CLVS1: variants seen among roughly 807,000 people sequenced by gnomAD.
The protein encoded by CLVS1 is clavesin 1.
CLVS1 carries 10 observed loss-of-function variants against 33.1 expected under a neutral mutation model. The ratio of observed to expected loss-of-function variants is 0.30; its 90% CI spans 0.19 to 0.51. CLVS1 has a LOEUF of 0.51. CLVS1 is among the 20% of genes least tolerant of loss of function. The pLI is 0.97. For synonymous variants in CLVS1, 163 were observed against 166.1 expected (o/e 0.98, Z 0.14); for missense variants, 343 against 433.4 (o/e 0.79, Z 1.85).
intron 1 of CLVS1, among the ~76,000 whole-genome samples, chr8:61,290,664 A>C (rs1040187142): frequency 1.3e-5 from 2 of 152,198 alleles, no homozygotes; most frequent in Non-Finnish European, 2.9e-5. Context: ...GATAGCAGAG[A>C]CTTCCATCCT....
intron 2 of CLVS1, among the ~76,000 whole-genome samples, chr8:61,145,518 A>G (rs1357732486): frequency 1.3e-5 from 2 of 152,246 alleles, no homozygotes; most frequent in Non-Finnish European, 2.9e-5. Flanking sequence ...AGATGAAACA[A>G]GAGGAGGAGG....
chr8:61,362,179 C>T (rs1813010198), intron 2 of CLVS1, among the ~76,000 whole-genome samples: 1 of 152,188 alleles, frequency 6.6e-6, no homozygotes, highest in Non-Finnish European at 1.5e-5. Context: ...GAGTCATTGT[C>T]AATACTCTGT....
chr8:61,421,474 C>T (rs1423191714), intron 3 of CLVS1, among the ~76,000 whole-genome samples: 1 of 152,260 alleles, frequency 6.6e-6, no homozygotes, highest in Admixed American at 6.5e-5. Context: ...TAGCCCACAT[C>T]TGGCTGATTC....
intron 1 of CLVS1, among the ~76,000 whole-genome samples, chr8:61,069,410 TTC>T (rs1804749507): frequency 1.4e-5 from 1 of 74,024 alleles, no homozygotes; most frequent in South Asian, 4.5e-4. Flanking sequence ...TCTCTCTCTC[TTC>T]CTTCCTTCCT....
intron 2 of CLVS1, among the ~76,000 whole-genome samples, chr8:61,374,030 A>G (rs758651166): frequency 6.6e-6 from 1 of 152,186 alleles, no homozygotes; most frequent in Non-Finnish European, 1.5e-5. Flanking sequence ...AAGTCTCTTG[A>G]GAGCTAGGCT....
At chr8:61,180,289 GGAA>G (rs1807203417) in intron 2 of CLVS1, among the ~76,000 whole-genome samples, 1 of 152,046 alleles carries the variant, frequency 6.6e-6, no homozygotes, top group Non-Finnish European at 1.5e-5. Flanking sequence ...GACTAAACTA[GGAA>G]GAAGTCAAAT....
chr8:61,489,377 T>A (rs1393160275), intron 5 of CLVS1, among the ~76,000 whole-genome samples: 1 of 152,216 alleles, frequency 6.6e-6, no homozygotes, highest in East Asian at 1.9e-4. Context: ...GACTGTAGAA[T>A]CAGATCTGGG....
At chr8:61,065,988 C>T (rs947134325) in intron 1 of CLVS1, among the ~76,000 whole-genome samples, 2 of 152,266 alleles carry the variant, frequency 1.3e-5, no homozygotes, top group Admixed American at 1.3e-4. Flanking sequence ...AGACCTGGAA[C>T]ATAACATACA....
chr8:61,262,444 G>T (rs114104867), intron 2 of CLVS1, among the ~76,000 whole-genome samples: 26 of 152,226 alleles, frequency 1.7e-4, no homozygotes, highest in African/African-American at 6.3e-4. Context: ...GCAGAAGTAG[G>T]AGGATTGCTT....
At chr8:61,113,917 G>A (rs2129288688) in intron 1 of CLVS1, among the ~76,000 whole-genome samples, 1 of 152,332 alleles carries the variant, frequency 6.6e-6, no homozygotes, top group East Asian at 1.9e-4. Flanking sequence ...TGCAGGCTGA[G>A]CCACTGCACC....
the CLVS1 span, chr8:60,966,098 C>G: frequency 3.9e-6 from 1 of 255,646 alleles, no homozygotes. Flanking sequence ...AGGTGTGAGC[C>G]ACTGCGCCTG....
chr8:61,202,700 T>G, intron 2 of CLVS1: 2 of 1,545,132 alleles, frequency 1.3e-6, no homozygotes, highest in Non-Finnish European at 8.9e-7. Flanking sequence ...CAGCACTTAG[T>G]AGCTGTGGAG....
chr8:61,055,428 G>A (rs780921732), upstream of CLVS1, among the ~76,000 whole-genome samples: 14 of 152,232 alleles, frequency 9.2e-5, no homozygotes, highest in East Asian at 1.9e-4. Context: ...CATAAAAACC[G>A]TATCATTCAC....
At chr8:61,451,644 T>C (rs1265784221) in intron 3 of CLVS1, among the ~76,000 whole-genome samples, 1 of 152,066 alleles carries the variant, frequency 6.6e-6, no homozygotes, top group African/African-American at 2.4e-5. Flanking sequence ...GGTAGGCCTC[T>C]TGGGGTTCTG....
chr8:61,302,615 C>A (rs951444976), intron 2 of CLVS1, among the ~76,000 whole-genome samples: 7 of 152,168 alleles, frequency 4.6e-5, no homozygotes, highest in Admixed American at 6.5e-5. Context: ...AAACTAGAGG[C>A]AACAGCTGTC....
intron 1 of CLVS1, among the ~76,000 whole-genome samples, chr8:61,108,446 T>C (rs1358988268): frequency 6.6e-6 from 1 of 152,190 alleles, no homozygotes; most frequent in Non-Finnish European, 1.5e-5. Context: ...GCTCCATAGA[T>C]CTCTGTTTTA....
chr8:61,496,759 G>A (rs1209124809), intron 5 of CLVS1, among the ~76,000 whole-genome samples: 1 of 152,170 alleles, frequency 6.6e-6, no homozygotes, highest in Non-Finnish European at 1.5e-5. Flanking sequence ...TATCTTGAAA[G>A]GAGACAGGAA....
chr8:61,052,459 A>C (rs1458569879), upstream of CLVS1, among the ~76,000 whole-genome samples: 1 of 151,916 alleles, frequency 6.6e-6, no homozygotes, highest in African/African-American at 2.4e-5. Flanking sequence ...GCCTCACTGA[A>C]AGGGAAATTT....
the CLVS1 span, among the ~76,000 whole-genome samples, chr8:61,026,550 T>C: frequency 1.3e-5 from 2 of 152,200 alleles, no homozygotes; most frequent in Admixed American, 6.5e-5. Flanking sequence ...AATTCCTTGA[T>C]GGTGCATTAA....
Sources: allele counts gnomAD v4.1 joint callset (sites outside exome capture counted in the v4.1 genomes callset), GRCh38; gene constraint gnomAD v4.1.1; transcripts MANE v1.5; gene names NCBI Gene and HGNC (gene_info 2026-07-23, HGNC 2026-07-21).